The following CTNNA2 variants were observed in gnomAD, a reference collection of about 807,000 sequenced individuals.
CTNNA2 encodes catenin alpha-2.
Under a neutral mutation model 101.0 loss-of-function variants are expected in CTNNA2, and 42 were observed. The ratio of observed to expected loss-of-function variants is 0.42; its 90% CI spans 0.32 to 0.54. The LOEUF is 0.54. CTNNA2 is among the 20% of genes least tolerant of loss of function. The pLI is 0.14. For missense variants in CTNNA2, 871 were observed against 1,223.1 expected (o/e 0.71, Z 4.29); for synonymous variants, 450 against 456.4 (o/e 0.99, Z 0.18).
intron 2 of CTNNA2, among the ~76,000 whole-genome samples, chr2:79,246,895 T>C (rs1165148495): frequency 6.6e-6 from 1 of 152,212 alleles, no homozygotes; most frequent in African/African-American, 2.4e-5. Flanking sequence ...ACTGAACATC[T>C]GAAAGAAGAG....
At chr2:79,617,118 A>G (rs556413348) in intron 1 of CTNNA2, among the ~76,000 whole-genome samples, 23 of 151,964 alleles carry the variant, frequency 1.5e-4, no homozygotes, top group South Asian at 4.2e-4. Context: ...TGGCCAGGCT[A>G]GTCTCGAACT....
At chr2:79,419,562 A>G (rs1678517797) in intron 4 of CTNNA2, among the ~76,000 whole-genome samples, 2 of 152,144 alleles carry the variant, frequency 1.3e-5, no homozygotes, top group Non-Finnish European at 2.9e-5. Context: ...TGCTCAAAAT[A>G]GTGTATTTAA....
chr2:80,443,803 T>C (rs1320378974), intron 9 of CTNNA2, among the ~76,000 whole-genome samples: 4 of 152,232 alleles, frequency 2.6e-5, no homozygotes, highest in Admixed American at 2.6e-4. Context: ...GTATGAGATA[T>C]CATTCATTTA....
At chr2:79,829,469 T>C (rs149861654) in intron 3 of CTNNA2, among the ~76,000 whole-genome samples, 1,817 of 144,110 alleles carry the variant, frequency 0.013, 32 homozygotes, top group East Asian at 0.035. Flanking sequence ...ACTCCAGAGG[T>C]TGAGGCAGGA....
intron 7 of CTNNA2, among the ~76,000 whole-genome samples, chr2:80,130,803 A>G (rs1184340008): frequency 6.6e-6 from 1 of 151,572 alleles, no homozygotes; most frequent in Non-Finnish European, 1.5e-5. Context: ...TGTTAATGGA[A>G]AAAGAAAAAA....
At chr2:79,884,609 C>G (rs1260153846) in intron 6 of CTNNA2, among the ~76,000 whole-genome samples, 1 of 152,174 alleles carries the variant, frequency 6.6e-6, no homozygotes, top group East Asian at 1.9e-4. Flanking sequence ...ATAAGACATT[C>G]TATTCTCAAC....
At chr2:79,486,320 C>T (rs573848087) in intron 4 of CTNNA2, among the ~76,000 whole-genome samples, 215 of 150,262 alleles carry the variant, frequency 1.4e-3, no homozygotes, top group African/African-American at 5.1e-3. Flanking sequence ...TGAGAACATG[C>T]GGTGTTTGGT....
intron 12 of CTNNA2, among the ~76,000 whole-genome samples, chr2:80,559,878 T>TTATATATATATATTTA (rs1471163982): frequency 8.8e-6 from 1 of 113,930 alleles, no homozygotes; most frequent in Non-Finnish European, 2.1e-5. Context: ...GATATCATAT[T>TTATATATATATATTTA]TATATATATA....
At chr2:80,565,921 GT>G (rs1324681532) in intron 12 of CTNNA2, among the ~76,000 whole-genome samples, 1 of 151,968 alleles carries the variant, frequency 6.6e-6, no homozygotes, top group African/African-American at 2.4e-5. Context: ...GCTTAAATTG[GT>G]TTAATAACGT....
At chr2:79,199,503 A>C (rs1170691906) in intron 2 of CTNNA2, among the ~76,000 whole-genome samples, 1 of 152,130 alleles carries the variant, frequency 6.6e-6, no homozygotes, top group Admixed American at 6.5e-5. Flanking sequence ...GTAATTAACA[A>C]CTGATATAGC....
intron 1 of CTNNA2, among the ~76,000 whole-genome samples, chr2:79,618,120 C>A (rs1404400590): frequency 6.6e-6 from 1 of 152,146 alleles, no homozygotes; most frequent in African/African-American, 2.4e-5. Flanking sequence ...AGCGTTAAGC[C>A]ATGTGCCAAG....
intron 9 of CTNNA2, among the ~76,000 whole-genome samples, chr2:80,540,892 T>A (rs1189381109): frequency 6.6e-6 from 1 of 152,110 alleles, no homozygotes. Context: ...AATGAAGTTT[T>A]GCCACATTTC....
intron 5 of CTNNA2, among the ~76,000 whole-genome samples, chr2:79,873,122 A>T (rs558132935): frequency 1.3e-5 from 2 of 152,338 alleles, no homozygotes; most frequent in South Asian, 4.1e-4. Flanking sequence ...GAAAATGATA[A>T]TTAAGGGACA....
chr2:80,331,388 G>A (rs180977839), intron 7 of CTNNA2, among the ~76,000 whole-genome samples: 156 of 152,300 alleles, frequency 1.0e-3, no homozygotes, highest in African/African-American at 3.6e-3. Context: ...TGGTGTGTTT[G>A]ACATCTAGTT....
At chr2:80,553,105 T>A (rs1692721754) in intron 11 of CTNNA2, among the ~76,000 whole-genome samples, 1 of 150,616 alleles carries the variant, frequency 6.6e-6, no homozygotes, top group Non-Finnish European at 1.5e-5. Context: ...ATGCCTGTAA[T>A]CCCATCTACT....
intron 4 of CTNNA2, among the ~76,000 whole-genome samples, chr2:79,415,897 A>G (rs1459556413): frequency 6.6e-6 from 1 of 152,128 alleles, no homozygotes; most frequent in African/African-American, 2.4e-5. Context: ...TATATTTGTT[A>G]TTCCTTGGAA....
intron 7 of CTNNA2, among the ~76,000 whole-genome samples, chr2:80,078,405 C>T (rs915575980): frequency 1.3e-5 from 2 of 151,990 alleles, no homozygotes; most frequent in African/African-American, 4.8e-5. Context: ...TGTGGATGCT[C>T]CAGGAAGAGG....
intron 2 of CTNNA2, among the ~76,000 whole-genome samples, chr2:79,291,810 T>A (rs1293730360): frequency 1.3e-5 from 2 of 152,224 alleles, no homozygotes; most frequent in African/African-American, 4.8e-5. Flanking sequence ...TCAGTTGTAT[T>A]TATTTTTATT....
intron 12 of CTNNA2, among the ~76,000 whole-genome samples, chr2:80,571,585 GCA>G (rs1373036437): frequency 6.6e-6 from 1 of 151,496 alleles, no homozygotes; most frequent in African/African-American, 2.4e-5. Context: ...TTTAAATAAT[GCA>G]CAGTTTTCAT....
Sources: allele counts gnomAD v4.1 joint callset (sites outside exome capture counted in the v4.1 genomes callset), GRCh38; gene constraint gnomAD v4.1.1; transcripts MANE v1.5; gene names NCBI Gene and HGNC (gene_info 2026-07-23, HGNC 2026-07-21).